The following SLC5A3 variants were observed in gnomAD, a reference collection of about 807,000 sequenced individuals.
The protein encoded by SLC5A3 is solute carrier family 5 member 3, also known as sodium/myo-inositol cotransporter.
A neutral mutation model predicts 43.2 loss-of-function variants in SLC5A3; 10 were observed. The observed-to-expected ratio is 0.23, with a 90% CI of 0.14 to 0.39. The LOEUF is 0.39. Ranked by LOEUF, SLC5A3 falls within the 10% of genes least tolerant of loss-of-function variation. The pLI is 1.00. For missense variants in SLC5A3, 608 were observed against 893.4 expected (o/e 0.68, Z 4.07); for synonymous variants, 349 against 322.0 (o/e 1.08, Z -0.90).
At chr21:34,081,529 T>A (rs1989458856) in intron 1 of SLC5A3, among the ~76,000 whole-genome samples, 1 of 152,180 alleles carries the variant, frequency 6.6e-6, no homozygotes, top group Non-Finnish European at 1.5e-5. Flanking sequence ...ACTGGATGTG[T>A]TACCATAGAA....
intron 1 of SLC5A3, among the ~76,000 whole-genome samples, chr21:34,083,041 C>T (rs113862935): frequency 9.8e-5 from 15 of 152,300 alleles, no homozygotes; most frequent in Non-Finnish European, 1.8e-4. Context: ...TTTTCTGCTT[C>T]TGCCCCAGAA....
At position 34,098,374 on chromosome 21, in the gene SLC5A3, T is replaced by C. The variant is rs16991196; in HGVS notation, c.*1019T>C. On this transcript the variant is annotated 3_prime_UTR_variant, in exon 2 of 2. Transcript: ENST00000381151. Reference sequence around the variant, plus strand: ...GCCTTTGTGTGCTGGATTGCTCTACTTGATTAGATCATGATATATCAAGGT... The same window carrying C: ...GCCTTTGTGTGCTGGATTGCTCTACCTGATTAGATCATGATATATCAAGGT... 2.0e-6 allele frequency: 2 copies of C among 1,000,298 alleles called. No individual in the cohort carries two copies. The highest frequency in any genetic ancestry group is 2.4e-6 in the Non-Finnish European group (2 of 830,010). The allele number at this position is 1,000,298 out of a possible 1,614,324, so 62.0% of individuals were successfully genotyped here.
At chr21:34,082,046 G>A (rs1419540973) in intron 1 of SLC5A3, among the ~76,000 whole-genome samples, 2 of 145,656 alleles carry the variant, frequency 1.4e-5, no homozygotes, top group African/African-American at 2.8e-5. Context: ...AGATTTTATA[G>A]GAAATCTGGT....
At chr21:34,093,389 A>G (rs1423170229) in intron 1 of SLC5A3, among the ~76,000 whole-genome samples, 1 of 152,136 alleles carries the variant, frequency 6.6e-6, no homozygotes, top group Admixed American at 6.5e-5. Context: ...AGACATTTCT[A>G]TCCAGGCAGT....
chr21:34,079,630 T>C (rs1989415421), intron 1 of SLC5A3, among the ~76,000 whole-genome samples: 1 of 140,412 alleles, frequency 7.1e-6, no homozygotes, highest in Non-Finnish European at 1.6e-5. Context: ...TTTTTTTTTT[T>C]TTTAGTAGAG....
Position 34,099,315 on chromosome 21 carries a change from G to A in SLC5A3, c.*1960G>A, listed in dbSNP as rs1195663296. ...AAGGTTATGAAGTCTCTTTTGGGAA[G>A]AACAGAAACCAGGTCTCCAAATCTG... On this transcript the variant is annotated 3_prime_UTR_variant, in exon 2 of 2. Transcript: ENST00000381151. 16 of 1,000,094 alleles carry A rather than the reference G, an allele frequency of 1.6e-5. No individual in the cohort carries two copies. The highest frequency in any genetic ancestry group is 1.8e-5 in the Non-Finnish European group (15 of 829,986). The allele number at this position is 1,000,094 out of a possible 1,614,324, so 62.0% of individuals were successfully genotyped here.
In SLC5A3 at chr21:34,101,666, A is replaced by G; in HGVS notation, c.*4311A>G. On this transcript the variant is annotated 3_prime_UTR_variant, in exon 2 of 2. Transcript: ENST00000381151. ...TTGTCAGCTTAGTTCACTTTAAGGC[A>G]TATTGGCATGGTGTGTGAAAGTGAT... 2.0e-6 allele frequency: 2 copies of G among 1,000,196 alleles called. No individual in the cohort carries two copies. Among genetic ancestry groups the G allele is most frequent in the Non-Finnish European group, 2.4e-6 (2 of 829,962 alleles). 62.0% of individuals were successfully genotyped at this position (1,000,196 alleles called of 1,614,324 possible).
At position 34,097,900 on chromosome 21, in the gene SLC5A3, G is replaced by A. The variant is rs573355388; in HGVS notation, c.*545G>A. ...GTTCATTTTGTTAGCATGAGCCTAC[G>A]GATTCTGATTTCCCAAAGAAAGAAT... On this transcript the variant is annotated 3_prime_UTR_variant, in exon 2 of 2. Coordinates refer to ENST00000381151, the MANE Select transcript of SLC5A3 (RefSeq NM_006933.7). 1.3e-5 allele frequency: 13 copies of A among 996,658 alleles called. No individual in the cohort carries two copies. Among genetic ancestry groups the A allele is most frequent in the South Asian group, 4.7e-5 (1 of 21,190 alleles). The allele number at this position is 996,658 out of a possible 1,614,324, so 61.7% of individuals were successfully genotyped here.
Position 34,103,721 on chromosome 21 carries a change from C to T in SLC5A3, c.*6366C>T. ...CACTACAGTATTGATAAGCCCAAGA[C>T]AATGCGGTATCTAAACTGGTCCTAA... is the stretch of plus-strand genomic sequence containing the variant. On this transcript the variant is annotated 3_prime_UTR_variant, in exon 2 of 2. Transcript: ENST00000381151. 2.0e-6 allele frequency: 2 copies of T among 1,000,020 alleles called. No individual in the cohort carries two copies. The highest frequency in any genetic ancestry group is 2.4e-6 in the Non-Finnish European group (2 of 829,866). 61.9% of individuals were successfully genotyped at this position (1,000,020 alleles called of 1,614,324 possible).
At chr21:34,079,538 C>T (rs1989411130) in intron 1 of SLC5A3, among the ~76,000 whole-genome samples, 2 of 149,406 alleles carry the variant, frequency 1.3e-5, no homozygotes, top group South Asian at 2.1e-4. Flanking sequence ...TGGGTTCAAG[C>T]GATTCTCATG....
chr21:34,098,287 A>G lies in SLC5A3; in HGVS notation c.*932A>G. 1.0e-6 allele frequency: 1 copy of G among 1,000,042 alleles called. No individual in the cohort carries two copies. Among genetic ancestry groups the G allele is most frequent in the Non-Finnish European group, 1.2e-6 (1 of 829,924 alleles). The allele number at this position is 1,000,042 out of a possible 1,614,324, so 61.9% of individuals were successfully genotyped here. On this transcript the variant is annotated 3_prime_UTR_variant, in exon 2 of 2. Transcript: ENST00000381151. ...GTTATTTGGAAAAATTATTAGCCAA[A>G]TGCCTTCCTAGGTGGATCCAGTTGG...
chr21:34,092,125 CATATATAT>C (rs143732686), intron 1 of SLC5A3, among the ~76,000 whole-genome samples: 1 of 149,354 alleles, frequency 6.7e-6, no homozygotes, highest in Non-Finnish European at 1.5e-5. Flanking sequence ...GGAAGAAAAA[CATATATAT>C]ATATATAACA....
intron 1 of SLC5A3, among the ~76,000 whole-genome samples, chr21:34,077,201 G>C (rs1989352983): frequency 6.6e-6 from 1 of 152,180 alleles, no homozygotes; most frequent in Non-Finnish European, 1.5e-5. Flanking sequence ...TTTCAGTTAG[G>C]TAAAAGACTG....
chr21:34,098,374 T>G lies in SLC5A3; in HGVS notation c.*1019T>G, dbSNP rs16991196. 5.5e-3 allele frequency: 5,453 copies of G among 1,000,274 alleles called. 106 individuals are homozygous for G. In the South Asian group the frequency reaches 0.078, roughly 14 times the overall value. The allele number at this position is 1,000,274 out of a possible 1,614,324, so 62.0% of individuals were successfully genotyped here. On this transcript the variant is annotated 3_prime_UTR_variant, in exon 2 of 2. Coordinates refer to ENST00000381151, the MANE Select transcript of SLC5A3 (RefSeq NM_006933.7). ...GCCTTTGTGTGCTGGATTGCTCTAC[T>G]TGATTAGATCATGATATATCAAGGT...
rs1216118934 is a variant in SLC5A3, at chr21:34,099,245, G to GATCT, written c.*1891_*1892insTCTA. The GATCT allele has an allele frequency of 6.0e-6, 6 of 999,996 alleles. No individual in the cohort carries two copies. The highest frequency in any genetic ancestry group is 5.2e-5 in the African/African-American group (3 of 57,188). 61.9% of individuals were successfully genotyped at this position (999,996 alleles called of 1,614,324 possible). Reference sequence around the variant, plus strand: ...TTATAATTTGGGGGCCAAATAGATAGAGCTCATCATTTTCTTGTTTGGAAG... The same window carrying GATCT: ...TTATAATTTGGGGGCCAAATAGATAGATCTAGCTCATCATTTTCTTGTTTGGAAG... On this transcript the variant is annotated 3_prime_UTR_variant, in exon 2 of 2. Transcript: ENST00000381151.
At position 34,100,800 on chromosome 21, in the gene SLC5A3, C is replaced by G; in HGVS notation, c.*3445C>G. Reference sequence around the variant, plus strand: ...ATAGTAGGCATATGGATCTTCCCCTCTGACTTTGAATATCATTTGGTGTGG... The same window carrying G: ...ATAGTAGGCATATGGATCTTCCCCTGTGACTTTGAATATCATTTGGTGTGG... On this transcript the variant is annotated 3_prime_UTR_variant, in exon 2 of 2. Coordinates refer to ENST00000381151, the MANE Select transcript of SLC5A3 (RefSeq NM_006933.7). 1.0e-6 allele frequency: 1 copy of G among 1,000,248 alleles called. No homozygotes were observed. Among genetic ancestry groups the G allele is most frequent in the Non-Finnish European group, 1.2e-6 (1 of 829,984 alleles). The allele number at this position is 1,000,248 out of a possible 1,614,324, so 62.0% of individuals were successfully genotyped here. A position where few individuals can be genotyped will look rare whatever the true frequency, so the allele number is the denominator to read the frequency against.
At chr21:34,091,815 G>GT (rs1417588112) in intron 1 of SLC5A3, among the ~76,000 whole-genome samples, 4 of 152,124 alleles carry the variant, frequency 2.6e-5, no homozygotes, top group African/African-American at 9.7e-5. Flanking sequence ...CTAGGGGACT[G>GT]TTTCTTTTTG....
Position 34,100,964 on chromosome 21 carries a change from C to T in SLC5A3, c.*3609C>T, listed in dbSNP as rs1404509672. On this transcript the variant is annotated 3_prime_UTR_variant, in exon 2 of 2. Transcript: ENST00000381151. ...ACAGGGTTAACTTATGATGATTCTC[C>T]TGGCTCATTTTCATCAGAGGCATGA... 1.0e-6 allele frequency: 1 copy of T among 999,970 alleles called. No individual in the cohort carries two copies. Among genetic ancestry groups the T allele is most frequent in the African/African-American group, 1.7e-5 (1 of 57,196 alleles). 61.9% of individuals were successfully genotyped at this position (999,970 alleles called of 1,614,324 possible). A position where few individuals can be genotyped will look rare whatever the true frequency, so the allele number is the denominator to read the frequency against.
chr21:34,094,585 C>CTG (rs1207672559), intron 1 of SLC5A3, among the ~76,000 whole-genome samples: 5 of 152,156 alleles, frequency 3.3e-5, no homozygotes, highest in African/African-American at 1.2e-4. Context: ...AAGGGCAATG[C>CTG]TGTGGTAGGC....
Sources: allele counts gnomAD v4.1 joint callset (sites outside exome capture counted in the v4.1 genomes callset), GRCh38; gene constraint gnomAD v4.1.1; transcripts MANE v1.5; gene names NCBI Gene and HGNC (gene_info 2026-07-23, HGNC 2026-07-21).